Variants in ARRB2 observed in about 807,000 individuals in gnomAD.
ARRB2 encodes the protein arrestin beta 2, also known as beta-arrestin-2.
ARRB2 carries 21 observed loss-of-function variants against 53.4 expected under a neutral mutation model. The ratio of observed to expected loss-of-function variants is 0.39; its 90% CI spans 0.28 to 0.57. The LOEUF is 0.57. Among genes scored for constraint, ARRB2 ranks in the 20% least tolerant of loss-of-function variants. ARRB2 has a pLI of 0.55. For synonymous variants in ARRB2, 180 were observed against 212.9 expected, an observed-to-expected ratio of 0.85 and a Z score of 1.34; for missense variants, 369 against 527.5, an observed-to-expected ratio of 0.70 and a Z score of 2.94.
chr17:4,718,476 C>A, intron 9 of ARRB2, 131 bp downstream of exon 9: 2 of 1,268,072 alleles, frequency 1.6e-6, no homozygotes, highest in Non-Finnish European at 2.3e-6. Context: ...TAGGTTGTTC[C>A]ATAATGATAC....
At chr17:4,719,255 C>T (rs775395986) in intron 10 of ARRB2, 28 bp from the exon 11 acceptor site, 2 of 1,600,566 alleles carry the variant, frequency 1.2e-6, no homozygotes, top group South Asian at 1.1e-5. Flanking sequence ...CGCCCCTAAG[C>T]ATCTTGTTCT....
intron 1 of ARRB2, among the ~76,000 whole-genome samples, chr17:4,711,447 G>T (rs1411456686): frequency 6.6e-6 from 1 of 152,070 alleles, no homozygotes; most frequent in Non-Finnish European, 1.5e-5. Flanking sequence ...TCCACTTCCT[G>T]TTGTGACTCA....
At position 4,717,797 on chromosome 17, in the gene ARRB2, C is replaced by T. The variant is rs1238822377; in HGVS notation, c.485+45C>T. ...CTGTGGTGTAAGAGGAGGCTTTCCT[C>T]CCCGCTTCCAGGAGCCCAGGCCCCG... On this transcript the variant is annotated intron_variant, in intron 7 of 14. Transcript: ENST00000269260. This position sits in a 1 kb window ranked among gnomAD's most constrained non-coding sequence, Gnocchi z 6.0. 1 of 1,602,008 alleles carries T rather than the reference C, an allele frequency of 6.2e-7. No homozygotes were observed. The highest frequency in any genetic ancestry group is 8.5e-7 in the Non-Finnish European group (1 of 1,173,902).
Position 4,718,314 on chromosome 17 carries a change from C to T in ARRB2, c.675C>T (p.Ser225=), listed in dbSNP as rs1915287609. ...LNVNVHVTNN[S]TKTVKKIKVS... The stretch of plus-strand genomic sequence containing the variant: ...TAAATGTCCACGTCACCAACAACTC[C>T]ACCAAGACCGTCAAGAAGATCAAAG... Residue 225 remains serine, a synonymous_variant, in exon 9 of 15, where the codon TCC becomes TCT. Coordinates refer to ENST00000269260, the MANE Select transcript of ARRB2 (RefSeq NM_004313.4). The T allele has an allele frequency of 6.2e-7, 1 of 1,612,478 alleles. No individual in the cohort carries two copies.
chr17:4,715,649 A>C (rs995467224), intron 2 of ARRB2: 2 of 422,948 alleles, frequency 4.7e-6, no homozygotes, highest in South Asian at 2.4e-5. Flanking sequence ...ACACAGACAC[A>C]CATGCACATA....
chr17:4,715,701 A>G, intron 2 of ARRB2: 1 of 310,552 alleles, frequency 3.2e-6, no homozygotes, highest in Non-Finnish European at 5.6e-6. Flanking sequence ...GAGGACACAC[A>G]CACACACACA....
chr17:4,715,721 ACACAAACACACACACACCG>A, intron 2 of ARRB2: 1 of 367,296 alleles, frequency 2.7e-6, no homozygotes. Context: ...ACACACACAC[ACACAAACACACACACACCG>A]GGCTGGTGGG....
chr17:4,712,108 C>T (rs1914470846), intron 1 of ARRB2, among the ~76,000 whole-genome samples: 2 of 152,168 alleles, frequency 1.3e-5, no homozygotes, highest in African/African-American at 4.8e-5. Context: ...CTGTCACAGC[C>T]CTGTGCCAGG....
In ARRB2 at chr17:4,720,454, C is replaced by T; in HGVS notation, c.1063C>T (p.Leu355Phe). 2 of 1,613,414 alleles carry T rather than the reference C, an allele frequency of 1.2e-6. No individual in the cohort carries two copies. Among genetic ancestry groups the T allele is most frequent in the Non-Finnish European group, 1.7e-6 (2 of 1,179,552 alleles). Residue 355 changes from leucine to phenylalanine, a missense_variant, in exon 13 of 15, where the codon CTC becomes TTC. Leu to Phe is a conservative substitution (Grantham distance 22). Coordinates refer to ENST00000269260, the MANE Select transcript of ARRB2 (RefSeq NM_004313.4). Reference protein sequence around the residue: ...MHPKPHDHIPLPRPQSAAPET... With the variant: ...MHPKPHDHIPFPRPQSAAPET... ...CCCCAAGCCCCACGACCACATCCCCCTCCCCAGACCCCAGTCAGGTGAGCA... is the reference window on the plus strand; with the variant it reads ...CCCCAAGCCCCACGACCACATCCCCTTCCCCAGACCCCAGTCAGGTGAGCA...
chr17:4,720,565 C>CT, intron 13 of ARRB2, 21 bp from the exon 14 acceptor site: 3 of 1,569,588 alleles, frequency 1.9e-6, no homozygotes, highest in Non-Finnish European at 2.6e-6. Flanking sequence ...ACCCCCACAC[C>CT]CCCTCTTCCC....
At chr17:4,719,571 A>G in intron 11 of ARRB2, 151 bp downstream of exon 11, 1 of 1,186,238 alleles carries the variant, frequency 8.4e-7, no homozygotes, top group Non-Finnish European at 1.2e-6. Flanking sequence ...AAATCTGATC[A>G]GTGGTCACTG....
At chr17:4,718,087 C>G in intron 8 of ARRB2, 64 bp downstream of exon 8, 1 of 1,602,344 alleles carries the variant, frequency 6.2e-7, no homozygotes, top group South Asian at 1.1e-5. Context: ...AGGGGCGAAG[C>G]CACACATCAA....
Position 4,721,166 on chromosome 17 carries a change from C to A in ARRB2, c.*127C>A. The A allele has an allele frequency of 1.1e-6, 1 of 914,726 alleles. No individual in the cohort carries two copies. Among genetic ancestry groups the A allele is most frequent in the Non-Finnish European group, 1.7e-6 (1 of 592,098 alleles). 56.7% of individuals were successfully genotyped at this position (914,726 alleles called of 1,614,324 possible). A position where few individuals can be genotyped will look rare whatever the true frequency, so the allele number is the denominator to read the frequency against. On this transcript the variant is annotated 3_prime_UTR_variant, in exon 15 of 15. Transcript: ENST00000269260. The surrounding 1 kb of genome is among the most constrained non-coding windows in gnomAD (Gnocchi z 4.2). Reference sequence around the variant, plus strand: ...CCCCTCACCTGGAAGCTTCTTCAACCAATCCCTTCACACTCTCTCCCCCAT... The same window carrying A: ...CCCCTCACCTGGAAGCTTCTTCAACAAATCCCTTCACACTCTCTCCCCCAT...
chr17:4,719,563 A>C, intron 11 of ARRB2, 143 bp downstream of exon 11: 1 of 1,225,034 alleles, frequency 8.2e-7, no homozygotes, highest in Non-Finnish European at 1.1e-6. Flanking sequence ...GGATAGCCAA[A>C]TCTGATCAGT....
chr17:4,715,486 G>GACACACACACACAC lies in ARRB2; in HGVS notation c.54+456_54+457insCACACACACACACA, dbSNP rs751919519. On this transcript the variant is annotated intron_variant, in intron 2 of 14. Coordinates refer to ENST00000269260, the MANE Select transcript of ARRB2 (RefSeq NM_004313.4). ...GAGGATCCAAACACACACACACACA[G>GACACACACACACAC]ACACACACACACATACACACATACA... 2.6e-4 allele frequency: 35 copies of GACACACACACACAC among 133,646 alleles called. 3 individuals carry two copies. Among genetic ancestry groups the GACACACACACACAC allele is most frequent in the African/African-American group, 7.4e-4 (20 of 26,956 alleles). The allele number at this position is 133,646 out of a possible 1,614,324, so 8.3% of individuals were successfully genotyped here. A position where few individuals can be genotyped will look rare whatever the true frequency, so the allele number is the denominator to read the frequency against.
At chr17:4,714,901 G>T in intron 1 of ARRB2, 112 bp from the exon 2 acceptor site, 2 of 1,130,232 alleles carry the variant, frequency 1.8e-6, no homozygotes, top group Non-Finnish European at 2.5e-6. Context: ...ACAGCCTCAG[G>T]CAGGAGGCCT....
At chr17:4,720,691 A>G in intron 14 of ARRB2, 51 bp downstream of exon 14, 1 of 1,452,808 alleles carries the variant, frequency 6.9e-7, no homozygotes, top group Non-Finnish European at 9.3e-7. Flanking sequence ...GATTCCTATA[A>G]CATTCAAATC....
chr17:4,719,383 C>G lies in ARRB2; in HGVS notation c.880C>G (p.Leu294Val). 1.2e-6 allele frequency: 2 copies of G among 1,614,198 alleles called. No homozygotes were observed. Among genetic ancestry groups the G allele is most frequent in the Non-Finnish European group, 1.7e-6 (2 of 1,180,032 alleles). The change falls in exon 11 of 15, where the codon CTC becomes GTC. Residue 294 changes from leucine (L) to valine (V), a missense_variant. Coordinates refer to ENST00000269260, the MANE Select transcript of ARRB2 (RefSeq NM_004313.4). The stretch of plus-strand genomic sequence containing the variant: ...GCGGGGTCTCGCCCTGGATGGGAAA[C>G]TCAAGCACGAGGACACCAACCTGGC... ...EKRGLALDGK[L>V]KHEDTNLASS...
intron 1 of ARRB2, among the ~76,000 whole-genome samples, chr17:4,711,082 C>T (rs1310104799): frequency 1.3e-5 from 2 of 151,444 alleles, no homozygotes; most frequent in Non-Finnish European, 1.5e-5. Context: ...GGGTCGTGTA[C>T]GGGGAGGCTG....
Sources: allele counts gnomAD v4.1 joint callset (sites outside exome capture counted in the v4.1 genomes callset), GRCh38; gene constraint gnomAD v4.1.1; non-coding constraint Gnocchi (gnomAD v3.1); transcripts MANE v1.5; gene names NCBI Gene and HGNC (gene_info 2026-07-23, HGNC 2026-07-21).